Variants in LHX8 observed in about 807,000 individuals in gnomAD.
LHX8 encodes LIM/homeobox protein Lhx8.
A neutral mutation model predicts 40.3 loss-of-function variants in LHX8; 12 were observed. The observed-to-expected ratio is 0.30, with a 90% confidence interval of 0.19 to 0.48. LHX8 has a LOEUF of 0.48. LHX8 is among the 20% of genes least tolerant of loss of function. The probability of loss-of-function intolerance (pLI) is 0.99; values close to 1 mark genes in which losing one functional copy is unlikely to be tolerated. For synonymous variants in LHX8, 179 were observed against 162.0 expected, an observed-to-expected ratio of 1.10 and a Z score of -0.80; for missense variants, 344 against 433.7, an observed-to-expected ratio of 0.79 and a Z score of 1.84.
upstream of LHX8, among the ~76,000 whole-genome samples, chr1:75,134,291 T>G (rs1648054758): frequency 6.6e-6 from 1 of 152,006 alleles, no homozygotes; most frequent in African/African-American, 2.4e-5. Context: ...CAGGAAAGAC[T>G]TTCCCCCACA....
At chr1:75,167,511 T>A in the LHX8 span, among the ~76,000 whole-genome samples, 32 of 152,282 alleles carry the variant, frequency 2.1e-4, no homozygotes, top group Middle Eastern at 3.4e-3. Flanking sequence ...TTCCTCATCA[T>A]CCAGGACCAA....
At position 75,149,341 on chromosome 1, in the gene LHX8, A is replaced by G. The variant is rs12138223; in HGVS notation, c.780+659A>G. ...AGGCCTGTGAATGCAGAGTTCTCTT[A>G]TGAGCAGGTAAAAGCCATGATATGT... On this transcript the variant is annotated intron_variant, in intron 7 of 8. Coordinates refer to ENST00000356261, the MANE Select transcript of LHX8 (RefSeq NM_001256114.2). Among the ~76,000 whole-genome samples the G allele has an allele frequency of 1.9e-3, 293 of 152,248 alleles. 3 individuals carry two copies. The highest frequency in any genetic ancestry group is 3.1e-3 in the Non-Finnish European group (210 of 68,022).
chr1:75,181,658 T>C, the LHX8 span, among the ~76,000 whole-genome samples: 1 of 152,194 alleles, frequency 6.6e-6, no homozygotes, highest in African/African-American at 2.4e-5. Flanking sequence ...ACTTCTTGAG[T>C]GAGGCGATGC....
upstream of LHX8, chr1:75,130,217 C>G (rs1291519120): frequency 6.0e-6 from 1 of 167,840 alleles, no homozygotes; most frequent in African/African-American, 2.4e-5. Flanking sequence ...CTCCCATCCT[C>G]TCTCTTAGAC....
Position 75,158,730 on chromosome 1 carries a change from C to T in LHX8, c.964+1654C>T, listed in dbSNP as rs374330977. Among the ~76,000 whole-genome samples, 49 of 152,096 alleles carry T rather than the reference C, an allele frequency of 3.2e-4. 1 individual carries two copies. In the East Asian group the frequency reaches 4.2e-3, roughly 13 times the overall value. ...TGGTCTATTTATTTTTGTGTTGCTA[C>T]TTAATCATTCTAATCATGGTAGGTC... On this transcript the variant is annotated intron_variant, in intron 8 of 8. Transcript: ENST00000356261.
chr1:75,198,578 G>A, the LHX8 span, among the ~76,000 whole-genome samples: 1 of 152,084 alleles, frequency 6.6e-6, no homozygotes, highest in Admixed American at 6.6e-5. Flanking sequence ...ACGTTGGAAA[G>A]CTCCCCTTGG....
At chr1:75,144,193 A>G (rs1648399932) in intron 6 of LHX8, among the ~76,000 whole-genome samples, 1 of 152,200 alleles carries the variant, frequency 6.6e-6, no homozygotes, top group Admixed American at 6.5e-5. Context: ...ATTGGTATCA[A>G]CATCAAAGTG....
Position 75,161,501 on chromosome 1 carries a change from A to G in LHX8, c.*606A>G, listed in dbSNP as rs1386977749. The G allele has an allele frequency of 2.0e-5, 3 of 152,654 alleles. No homozygotes were observed. Among genetic ancestry groups the G allele is most frequent in the Non-Finnish European group, 4.4e-5 (3 of 68,122 alleles). 9.5% of individuals were successfully genotyped at this position (152,654 alleles called of 1,614,324 possible). ...TTAATAAGCCCACCATTCTGAGTTTATTAAACATTTTCCATTCTTGTGAAA... is the reference window on the plus strand; with the variant it reads ...TTAATAAGCCCACCATTCTGAGTTTGTTAAACATTTTCCATTCTTGTGAAA... On this transcript the variant is annotated 3_prime_UTR_variant, in exon 9 of 9. Transcript: ENST00000356261.
chr1:75,183,313 GAC>G, the LHX8 span, among the ~76,000 whole-genome samples: 4 of 152,044 alleles, frequency 2.6e-5, no homozygotes, highest in African/African-American at 9.7e-5. Flanking sequence ...TCACCCCCAA[GAC>G]ACATAATCAT....
chr1:75,135,437 G>A (rs1648093267), intron 1 of LHX8, among the ~76,000 whole-genome samples: 3 of 152,214 alleles, frequency 2.0e-5, no homozygotes, highest in African/African-American at 4.8e-5. Context: ...TGAGGACGCG[G>A]CCTCAGTGCA....
chr1:75,163,586 T>A (rs879596099), downstream of LHX8, among the ~76,000 whole-genome samples: 1 of 152,198 alleles, frequency 6.6e-6, no homozygotes, highest in Admixed American at 6.5e-5. Context: ...TAGATGGATC[T>A]GAGTCCAAAA....
chr1:75,143,876 C>T lies in LHX8; in HGVS notation c.612C>T (p.Leu204=). The T allele has an allele frequency of 6.2e-7, 1 of 1,613,308 alleles. No homozygotes were observed. Among genetic ancestry groups the T allele is most frequent in the African/African-American group, 1.3e-5 (1 of 74,986 alleles). ...GGATTAGTGTGGAAGGTGCCCTCCT[C>T]ACAGAGCAAGATGTTAACCATCCAA... The part of the protein sequence containing the change: ...GNGISVEGAL[L]TEQDVNHPKP... Residue 204 remains leucine, a synonymous_variant, in exon 6 of 9, where the codon CTC becomes CTT. Coordinates refer to ENST00000356261, the MANE Select transcript of LHX8 (RefSeq NM_001256114.2).
the LHX8 span, among the ~76,000 whole-genome samples, chr1:75,184,934 C>A: frequency 6.6e-6 from 1 of 151,112 alleles, no homozygotes; most frequent in Non-Finnish European, 1.5e-5. Context: ...TACCACTGAC[C>A]CCACAGAAAT....
At chr1:75,149,219 C>T (rs1206169895) in intron 7 of LHX8, among the ~76,000 whole-genome samples, 5 of 152,046 alleles carry the variant, frequency 3.3e-5, no homozygotes, top group African/African-American at 1.2e-4. Context: ...CTGGTGTGAA[C>T]AAAGCTGAAA....
intron 3 of LHX8, among the ~76,000 whole-genome samples, chr1:75,139,436 G>A (rs1648251293): frequency 1.3e-5 from 2 of 152,050 alleles, no homozygotes; most frequent in African/African-American, 4.8e-5. Context: ...TTCCCCTAAA[G>A]CCTAGCTTTA....
intron 6 of LHX8, among the ~76,000 whole-genome samples, chr1:75,144,572 G>A (rs1363592004): frequency 6.6e-6 from 1 of 151,084 alleles, no homozygotes; most frequent in Non-Finnish European, 1.5e-5. Context: ...ATTTTTTTTA[G>A]CTTAGTTGCC....
the LHX8 span, among the ~76,000 whole-genome samples, chr1:75,166,717 T>C: frequency 2.0e-5 from 3 of 152,220 alleles, no homozygotes. Context: ...GGTAAAAACA[T>C]GTCTCAGAAG....
chr1:75,150,081 GA>G (rs1035079667), intron 7 of LHX8, among the ~76,000 whole-genome samples: 3 of 151,610 alleles, frequency 2.0e-5, no homozygotes, highest in South Asian at 2.1e-4. Flanking sequence ...ATCTCTACAG[GA>G]AAAAAAACAG....
At chr1:75,154,778 C>G (rs555176673) in intron 7 of LHX8, among the ~76,000 whole-genome samples, 1 of 152,132 alleles carries the variant, frequency 6.6e-6, no homozygotes, top group Non-Finnish European at 1.5e-5. Context: ...TGTGACTTCC[C>G]ACTTGTCTTA....
Sources: allele counts gnomAD v4.1 joint callset (sites outside exome capture counted in the v4.1 genomes callset), GRCh38; gene constraint gnomAD v4.1.1; transcripts MANE v1.5; gene names NCBI Gene and HGNC (gene_info 2026-07-23, HGNC 2026-07-21).